Variants in MARCHF1 observed in about 807,000 individuals in gnomAD.
MARCHF1 encodes the protein membrane associated ring-CH-type finger 1.
MARCHF1 carries 40 observed loss-of-function variants against 54.2 expected under a neutral mutation model. The ratio of observed to expected loss-of-function variants is 0.74; its 90% CI spans 0.57 to 0.96. MARCHF1 has a LOEUF of 0.96. Ranked by LOEUF, MARCHF1 falls within the 40% of genes least tolerant of loss-of-function variation. The pLI, the probability that MARCHF1 is intolerant of heterozygous loss-of-function variation, is 0.00. For missense variants in MARCHF1, 586 were observed against 656.5 expected, an observed-to-expected ratio of 0.89 and a Z score of 1.17; for synonymous variants, 236 against 236.3, an observed-to-expected ratio of 1.00 and a Z score of 0.01.
intron 1 of MARCHF1, among the ~76,000 whole-genome samples, chr4:164,353,911 T>C (rs1267278831): frequency 5.0e-4 from 58 of 115,350 alleles, no homozygotes; most frequent in African/African-American, 1.7e-3. Context: ...ATAGACACAA[T>C]AAAAAATGAT....
chr4:163,926,855 C>T (rs571721086), intron 3 of MARCHF1, among the ~76,000 whole-genome samples: 1 of 151,280 alleles, frequency 6.6e-6, no homozygotes, highest in Non-Finnish European at 1.5e-5. Flanking sequence ...TCCCAAGGAA[C>T]ATAGTCAACT....
At chr4:163,708,686 A>T (rs1039895066) in intron 4 of MARCHF1, among the ~76,000 whole-genome samples, 2 of 152,154 alleles carry the variant, frequency 1.3e-5, no homozygotes, top group African/African-American at 4.8e-5. Flanking sequence ...GTGTATAGAC[A>T]TGCAGTAGTC....
chr4:163,982,194 A>C (rs1207124938), intron 3 of MARCHF1, among the ~76,000 whole-genome samples: 1 of 152,222 alleles, frequency 6.6e-6, no homozygotes, highest in African/African-American at 2.4e-5. Flanking sequence ...AATTCACTCT[A>C]AGCACATGGG....
intron 4 of MARCHF1, among the ~76,000 whole-genome samples, chr4:163,776,710 A>T (rs901304298): frequency 6.6e-6 from 1 of 152,158 alleles, no homozygotes; most frequent in Non-Finnish European, 1.5e-5. Context: ...TATACACAGA[A>T]GATACTCAAG....
intron 5 of MARCHF1, among the ~76,000 whole-genome samples, chr4:163,633,117 A>G (rs1012991577): frequency 1.1e-3 from 163 of 152,324 alleles, no homozygotes; most frequent in African/African-American, 3.8e-3. Flanking sequence ...ATCAAAGACC[A>G]AAAGTAGATA....
intron 1 of MARCHF1, among the ~76,000 whole-genome samples, chr4:164,342,141 A>T (rs998587133): frequency 1.3e-5 from 2 of 152,204 alleles, no homozygotes; most frequent in African/African-American, 4.8e-5. Context: ...GAAAATGGAC[A>T]AAAGACGAGA....
chr4:163,549,654 TG>T (rs1360008658), intron 8 of MARCHF1, among the ~76,000 whole-genome samples: 4 of 150,288 alleles, frequency 2.7e-5, no homozygotes. Flanking sequence ...GGGCCTTTGG[TG>T]CCTGTTTTAC....
At chr4:163,904,581 A>T (rs957605218) in intron 3 of MARCHF1, among the ~76,000 whole-genome samples, 1 of 152,192 alleles carries the variant, frequency 6.6e-6, no homozygotes, top group African/African-American at 2.4e-5. Flanking sequence ...GAGAAAATCC[A>T]TACTTAGAGA....
chr4:164,283,824 A>C lies in MARCHF1; in HGVS notation c.-323+100046T>G, dbSNP rs902776082. 1.2e-4 allele frequency among the ~76,000 whole-genome samples: 18 copies of C among 151,054 alleles called. 2 individuals carry two copies. The highest frequency in any genetic ancestry group is 1.1e-3 in the Admixed American group (16 of 14,860). Reference sequence around the variant, plus strand: ...GAGTGTATACAGAGGGTCATGAAGAAGGGGATATCATGGAAACCAACGGCA... The same window carrying C: ...GAGTGTATACAGAGGGTCATGAAGACGGGGATATCATGGAAACCAACGGCA... On this transcript the variant is annotated intron_variant, in intron 1 of 9. Transcript: ENST00000514618.
At chr4:163,627,752 G>C (rs1231019776) in intron 5 of MARCHF1, among the ~76,000 whole-genome samples, 1 of 151,466 alleles carries the variant, frequency 6.6e-6, no homozygotes, top group African/African-American at 2.4e-5. Context: ...AGCAGTGGGA[G>C]AATAGAGTGT....
At chr4:164,169,152 C>G (rs1730460891) in intron 1 of MARCHF1, among the ~76,000 whole-genome samples, 1 of 152,078 alleles carries the variant, frequency 6.6e-6, no homozygotes, top group Non-Finnish European at 1.5e-5. Flanking sequence ...TTCATAATAA[C>G]CATTTTACTA....
chr4:164,160,452 T>C (rs1331658208), intron 1 of MARCHF1, among the ~76,000 whole-genome samples: 1 of 152,206 alleles, frequency 6.6e-6, no homozygotes, highest in African/African-American at 2.4e-5. Flanking sequence ...TGGACCACAG[T>C]CGCATATGTG....
At chr4:163,964,284 G>A (rs901922285) in intron 3 of MARCHF1, among the ~76,000 whole-genome samples, 8 of 151,896 alleles carry the variant, frequency 5.3e-5, no homozygotes, top group African/African-American at 1.9e-4. Context: ...TTCACTATGA[G>A]TAGAAACTCA....
intron 8 of MARCHF1, among the ~76,000 whole-genome samples, chr4:163,558,766 C>T (rs1739376624): frequency 6.6e-6 from 1 of 152,144 alleles, no homozygotes; most frequent in South Asian, 2.1e-4. Context: ...CCTGTTCTTG[C>T]AGCTGCGTGG....
intron 1 of MARCHF1, among the ~76,000 whole-genome samples, chr4:164,298,226 AAC>A (rs1440072964): frequency 1.3e-5 from 2 of 152,138 alleles, no homozygotes; most frequent in Non-Finnish European, 2.9e-5. Flanking sequence ...TCAAATGTGG[AAC>A]AAGTACATAA....
intron 2 of MARCHF1, among the ~76,000 whole-genome samples, chr4:164,070,608 G>A (rs1421711973): frequency 6.6e-6 from 1 of 152,094 alleles, no homozygotes; most frequent in East Asian, 1.9e-4. Flanking sequence ...AAGTATCCCA[G>A]CTTAGATGAT....
At chr4:164,273,276 G>A (rs528585475) in intron 1 of MARCHF1, among the ~76,000 whole-genome samples, 3 of 152,152 alleles carry the variant, frequency 2.0e-5, no homozygotes, top group South Asian at 2.1e-4. Flanking sequence ...GAGAAGTGCC[G>A]AGCAAAGGGG....
At chr4:163,718,039 C>T (rs977493798) in intron 4 of MARCHF1, among the ~76,000 whole-genome samples, 45 of 152,242 alleles carry the variant, frequency 3.0e-4, no homozygotes, top group African/African-American at 9.6e-4. Flanking sequence ...CTGACAAAAA[C>T]AAGAAATGGG....
chr4:164,180,471 GA>G (rs1247392475), intron 1 of MARCHF1, among the ~76,000 whole-genome samples: 1 of 152,116 alleles, frequency 6.6e-6, no homozygotes, highest in Non-Finnish European at 1.5e-5. Flanking sequence ...TTATGTTTCA[GA>G]GTTGCATTGA....
Sources: gnomAD v4.1 joint callset for allele counts (sites outside exome capture counted in the v4.1 genomes callset) on GRCh38, gnomAD v4.1.1 for gene constraint, MANE v1.5 for transcripts, NCBI Gene and HGNC (gene_info 2026-07-23, HGNC 2026-07-21) for gene names.